The following NBPF8 variants were observed in gnomAD, a reference collection of about 807,000 sequenced individuals.
NBPF8 encodes NBPF member 8.
At chr1:120,415,696 C>T (rs1296279865), upstream of NBPF8, among the ~76,000 whole-genome samples, 5 of 152,210 alleles carry the variant, frequency 3.3e-5, no homozygotes, top group Admixed American at 6.5e-5. Flanking sequence ...CTTTATTGGC[C>T]TCCGGGATTC....
At chr1:120,452,045 T>C in intron 12 of NBPF8, 72 bp from the exon 11 acceptor site, 2 of 1,424,512 alleles carry the variant, frequency 1.4e-6, no homozygotes, top group Non-Finnish European at 2.0e-6. Context: ...GTCTCAGAAG[T>C]CTCTGTTGCA....
intron 16 of NBPF8, among the ~76,000 whole-genome samples, chr1:120,455,964 T>C (rs1209200339): frequency 5.3e-5 from 8 of 152,116 alleles, no homozygotes; most frequent in Admixed American, 4.6e-4. Flanking sequence ...TTCTGGTATG[T>C]TGTGTCTTTT....
chr1:120,434,408 A>G (rs1553247499), upstream of NBPF8, among the ~76,000 whole-genome samples: 15 of 145,552 alleles, frequency 1.0e-4, no homozygotes, highest in African/African-American at 2.5e-5. Flanking sequence ...ATACACGTGT[A>G]TATATATTAT....
downstream of NBPF8, among the ~76,000 whole-genome samples, chr1:120,468,129 T>TACA (rs1283451292): frequency 1.1e-4 from 16 of 151,296 alleles, 1 homozygote; most frequent in East Asian, 2.7e-3. Flanking sequence ...AATATTTCCA[T>TACA]ACAACAGTCA....
At chr1:120,424,027 A>AG (rs1660642258) in intron 1 of NBPF8, among the ~76,000 whole-genome samples, 1 of 152,074 alleles carries the variant, frequency 6.6e-6, no homozygotes, top group Non-Finnish European at 1.5e-5. Context: ...CGAATTGTGC[A>AG]GCCATCAGCA....
intron 15 of NBPF8, among the ~76,000 whole-genome samples, chr1:120,454,944 A>T (rs1221082357): frequency 6.8e-6 from 1 of 147,308 alleles, no homozygotes; most frequent in Non-Finnish European, 1.5e-5. Flanking sequence ...TGAACTCATG[A>T]CCTCAAATGA....
chr1:120,449,910 C>T (rs142607672), intron 11 of NBPF8, among the ~76,000 whole-genome samples: 3,872 of 152,196 alleles, frequency 0.025, 44 homozygotes, highest in African/African-American at 0.039. Context: ...AGAACCTGTG[C>T]TGTCTATAAG....
At chr1:120,463,677 A>C in exon 22 of NBPF8, 1 of 142,360 alleles carries the variant, frequency 7.0e-6, no homozygotes, top group South Asian at 3.4e-5. Flanking sequence ...GTATTGCAGG[A>C]ATTAAAAAGG....
rs1431600636 is a variant in NBPF8, at chr1:120,460,575, C to T, written n.2787C>T. 4.9e-6 allele frequency: 7 copies of T among 1,442,394 alleles called. No homozygotes were observed. In the Admixed American group the frequency reaches 1.2e-4, roughly 24 times the overall value. 89.3% of individuals were successfully genotyped at this position (1,442,394 alleles called of 1,614,324 possible). A position where few individuals can be genotyped will look rare whatever the true frequency, so the allele number is the denominator to read the frequency against. On this transcript the variant is annotated splice_region_variant and non_coding_transcript_exon_variant, in exon 18 of 25. Transcript: ENST00000583271. Reference sequence around the variant, plus strand: ...GGCCCATATGAATTTATTTGCAGGACATCGGTGGGATCAAGTGAAAAAGGA... The same window carrying T: ...GGCCCATATGAATTTATTTGCAGGATATCGGTGGGATCAAGTGAAAAAGGA...
chr1:120,418,359 T>G (rs1553245546), upstream of NBPF8, among the ~76,000 whole-genome samples: 36 of 78,396 alleles, frequency 4.6e-4, no homozygotes, highest in African/African-American at 2.2e-3. Flanking sequence ...CTTTATTTAT[T>G]TATCTTTTTA....
chr1:120,421,303 T>G (rs1318194257), intron 1 of NBPF8, among the ~76,000 whole-genome samples: 4 of 152,206 alleles, frequency 2.6e-5, no homozygotes, highest in Admixed American at 2.6e-4. Context: ...ATACTGGTGG[T>G]GTAAGTTCCC....
chr1:120,450,059 T>A (rs1556606559), intron 11 of NBPF8, among the ~76,000 whole-genome samples: 4 of 152,004 alleles, frequency 2.6e-5, no homozygotes. Context: ...AAACCCCATC[T>A]TCACTAAAAA....
At chr1:120,425,515 C>G (rs1325065204) in intron 1 of NBPF8, among the ~76,000 whole-genome samples, 7 of 152,148 alleles carry the variant, frequency 4.6e-5, no homozygotes, top group Non-Finnish European at 1.0e-4. Flanking sequence ...TGCCACATCC[C>G]CCTCTCTGGA....
At chr1:120,435,617 C>T (rs1253134123), upstream of NBPF8, among the ~76,000 whole-genome samples, 1 of 147,616 alleles carries the variant, frequency 6.8e-6, no homozygotes, top group Non-Finnish European at 1.5e-5. Flanking sequence ...GCCGAGGCGG[C>T]AGATCACGAG....
chr1:120,422,235 C>T (rs1242004664), intron 1 of NBPF8, among the ~76,000 whole-genome samples: 1 of 151,896 alleles, frequency 6.6e-6, no homozygotes, highest in Admixed American at 6.6e-5. Context: ...ACTATTGATA[C>T]ATCATTATCA....
chr1:120,436,471 G>C, exon 1 of NBPF8: 1 of 1,241,074 alleles, frequency 8.1e-7, no homozygotes, highest in Non-Finnish European at 1.2e-6. Context: ...TCATATGTTT[G>C]GGTTTCTTCT....
intron 3 of NBPF8, among the ~76,000 whole-genome samples, chr1:120,431,252 C>CGTGT (rs1173094212): frequency 4.8e-5 from 6 of 125,322 alleles, no homozygotes; most frequent in East Asian, 2.2e-4. Flanking sequence ...CACACACAAA[C>CGTGT]GTGTGTGTGT....
In NBPF8 at chr1:120,445,840, T is replaced by A. The variant is rs2101665995; in HGVS notation, n.1273T>A. 6 of 439,362 alleles carry A rather than the reference T, an allele frequency of 1.4e-5. No homozygotes were observed. In the East Asian group the frequency reaches 1.9e-4, roughly 14 times the overall value. The allele number at this position is 439,362 out of a possible 1,614,324, so 27.2% of individuals were successfully genotyped here. A position where few individuals can be genotyped will look rare whatever the true frequency, so the allele number is the denominator to read the frequency against. On this transcript the variant is annotated non_coding_transcript_exon_variant, in exon 8 of 25. Transcript: ENST00000583271. ...CCATCTCACCTTAGGCAATATAAAGTCCTGGTTCACTCTCAGGAACGAGAG... is the reference window on the plus strand; with the variant it reads ...CCATCTCACCTTAGGCAATATAAAGACCTGGTTCACTCTCAGGAACGAGAG...
At chr1:120,456,549 T>C (rs1303864938) in intron 16 of NBPF8, among the ~76,000 whole-genome samples, 5,194 of 90,582 alleles carry the variant, frequency 0.057, 1,163 homozygotes, top group African/African-American at 0.22. Context: ...ATCTTTGTTG[T>C]TTGAAAGTCT....
Sources: allele counts gnomAD v4.1 joint callset (sites outside exome capture counted in the v4.1 genomes callset), GRCh38; gene constraint gnomAD v4.1.1; transcripts MANE v1.5; gene names NCBI Gene and HGNC (gene_info 2026-07-23, HGNC 2026-07-21).